Variants in TASP1 observed in about 807,000 individuals in gnomAD.
TASP1 encodes taspase 1.
TASP1 carries 16 observed loss-of-function variants against 56.6 expected under a neutral mutation model. The observed-to-expected ratio is 0.28, with a 90% CI of 0.19 to 0.43. The LOEUF is 0.43. TASP1 is among the 20% of genes least tolerant of loss of function. The probability of loss-of-function intolerance (pLI) is 1.00; values close to 1 mark genes in which losing one functional copy is unlikely to be tolerated. For synonymous variants in TASP1, 179 were observed against 184.2 expected (o/e 0.97, Z 0.23); for missense variants, 393 against 511.6 (o/e 0.77, Z 2.24).
At chr20:13,253,534 CCTT>C in the TASP1 span, among the ~76,000 whole-genome samples, 1 of 152,200 alleles carries the variant, frequency 6.6e-6, no homozygotes, top group South Asian at 2.1e-4. Context: ...CTGTTCCTCA[CCTT>C]CTCTTGGTGA....
downstream of TASP1, among the ~76,000 whole-genome samples, chr20:13,385,520 A>ACTG (rs374642168): frequency 1.1e-4 from 17 of 152,340 alleles, no homozygotes; most frequent in African/African-American, 4.1e-4. Context: ...GCATAAGCAG[A>ACTG]CTGGTGAGTC....
chr20:13,435,441 G>C (rs181710981), intron 11 of TASP1, among the ~76,000 whole-genome samples: 1 of 152,200 alleles, frequency 6.6e-6, no homozygotes, highest in African/African-American at 2.4e-5. Context: ...CCAGATTAAA[G>C]GACCAAAACA....
chr20:13,354,868 T>C, the TASP1 span, among the ~76,000 whole-genome samples: 1 of 151,924 alleles, frequency 6.6e-6, no homozygotes, highest in South Asian at 2.1e-4. Flanking sequence ...CAGTGGGCAC[T>C]GGCAGATCTA....
intron 11 of TASP1, among the ~76,000 whole-genome samples, chr20:13,476,115 A>G (rs6042152): frequency 0.092 from 13,940 of 152,170 alleles, 1,215 homozygotes; most frequent in African/African-American, 0.23. Context: ...GTGAAACTCC[A>G]TCTCAAATAA....
chr20:13,499,156 G>A (rs1388653074), intron 10 of TASP1, among the ~76,000 whole-genome samples: 1 of 152,018 alleles, frequency 6.6e-6, no homozygotes, highest in African/African-American at 2.4e-5. Flanking sequence ...TATGTCCTTC[G>A]CAGCAACATA....
the TASP1 span, among the ~76,000 whole-genome samples, chr20:13,194,440 CA>C: frequency 2.0e-5 from 3 of 152,054 alleles, no homozygotes; most frequent in Non-Finnish European, 4.4e-5. Flanking sequence ...TTCTCAATTG[CA>C]AATGGTTGAA....
chr20:13,379,157 T>C, the TASP1 span, among the ~76,000 whole-genome samples: 1 of 152,218 alleles, frequency 6.6e-6, no homozygotes, highest in African/African-American at 2.4e-5. Context: ...TTGATGCAGT[T>C]TCTTCATAGG....
the TASP1 span, among the ~76,000 whole-genome samples, chr20:13,169,299 A>G: frequency 3.9e-5 from 6 of 152,308 alleles, no homozygotes; most frequent in Non-Finnish European, 5.9e-5. Flanking sequence ...ATTGGCCACA[A>G]TGGGAGTATT....
the TASP1 span, among the ~76,000 whole-genome samples, chr20:13,189,791 C>T: frequency 6.6e-6 from 1 of 152,106 alleles, no homozygotes; most frequent in Non-Finnish European, 1.5e-5. Flanking sequence ...TCAGCAATCC[C>T]ATTATTAGAT....
At chr20:13,326,990 C>T in the TASP1 span, among the ~76,000 whole-genome samples, 1 of 152,064 alleles carries the variant, frequency 6.6e-6, no homozygotes, top group Admixed American at 6.6e-5. Flanking sequence ...AGAAATAAAG[C>T]ATATGCGAAT....
At chr20:13,233,948 G>A in the TASP1 span, among the ~76,000 whole-genome samples, 1 of 152,162 alleles carries the variant, frequency 6.6e-6, no homozygotes, top group Non-Finnish European at 1.5e-5. Flanking sequence ...CAGAACTACT[G>A]AATCAGAATC....
At chr20:13,401,190 T>C (rs1568750699) in intron 13 of TASP1, among the ~76,000 whole-genome samples, 1 of 152,230 alleles carries the variant, frequency 6.6e-6, no homozygotes, top group South Asian at 2.1e-4. Flanking sequence ...AATCATATTT[T>C]AACATAAAAT....
chr20:13,576,338 A>G (rs28496660), intron 6 of TASP1, among the ~76,000 whole-genome samples: 9 of 126,470 alleles, frequency 7.1e-5, no homozygotes, highest in African/African-American at 2.5e-4. Flanking sequence ...AGAAAGAAAG[A>G]AAGGAAGAAA....
chr20:13,283,612 G>A, the TASP1 span, among the ~76,000 whole-genome samples: 2 of 152,198 alleles, frequency 1.3e-5, no homozygotes, highest in Admixed American at 6.5e-5. Flanking sequence ...GCTCAACTGT[G>A]GAAAGTATGT....
At chr20:13,143,681 C>A in the TASP1 span, among the ~76,000 whole-genome samples, 32 of 152,324 alleles carry the variant, frequency 2.1e-4, no homozygotes, top group South Asian at 6.2e-3. Context: ...CCTACCCTAG[C>A]AAAGCTCTGG....
chr20:13,253,111 A>G, the TASP1 span, among the ~76,000 whole-genome samples: 1 of 152,190 alleles, frequency 6.6e-6, no homozygotes, highest in East Asian at 1.9e-4. Context: ...CATTTGGGGT[A>G]CTTGCTACCC....
chr20:13,546,936 G>C (rs190922225), intron 8 of TASP1, among the ~76,000 whole-genome samples: 31 of 152,126 alleles, frequency 2.0e-4, no homozygotes, highest in Admixed American at 1.4e-3. Flanking sequence ...GTTAAAACAA[G>C]CTTAGTTTTT....
the TASP1 span, among the ~76,000 whole-genome samples, chr20:13,372,559 A>G: frequency 2.0e-5 from 3 of 151,442 alleles, no homozygotes; most frequent in South Asian, 6.2e-4. Context: ...AATTTTATAT[A>G]TATACATATA....
At chr20:13,297,034 C>T in the TASP1 span, among the ~76,000 whole-genome samples, 1 of 147,524 alleles carries the variant, frequency 6.8e-6, no homozygotes, top group East Asian at 2.1e-4. Flanking sequence ...GCCTCACCCC[C>T]CGCCAAAAAA....
Sources: gnomAD v4.1 joint callset for allele counts (sites outside exome capture counted in the v4.1 genomes callset) on GRCh38, gnomAD v4.1.1 for gene constraint, MANE v1.5 for transcripts, NCBI Gene and HGNC (gene_info 2026-07-23, HGNC 2026-07-21) for gene names.